Variants in DENND3 observed in about 807,000 individuals in gnomAD.
The protein encoded by DENND3 is DENN domain-containing protein 3.
A neutral mutation model predicts 135.1 loss-of-function variants in DENND3; 88 were observed. That is an observed-to-expected ratio of 0.65 (90% CI 0.55 to 0.78). The LOEUF (loss-of-function observed/expected upper bound fraction) is 0.78. Ranked by LOEUF, DENND3 falls within the 30% of genes least tolerant of loss-of-function variation. The probability of loss-of-function intolerance (pLI) is 0.00; values close to 1 mark genes in which losing one functional copy is unlikely to be tolerated. For missense variants in DENND3, 1,392 were observed against 1,688.4 expected (o/e 0.82, Z 3.08); for synonymous variants, 693 against 712.3 (o/e 0.97, Z 0.43).
intron 8 of DENND3, 128 bp from the exon 9 acceptor site, chr8:141,160,504 C>T: frequency 2.5e-6 from 3 of 1,195,732 alleles, no homozygotes; most frequent in Non-Finnish European, 3.3e-6. Context: ...TAATGACCAC[C>T]CGCCCCTCAA....
chr8:141,136,709 G>T lies in DENND3; in HGVS notation c.303G>T (p.Gly101=), dbSNP rs903956380. The stretch of plus-strand genomic sequence containing the variant: ...CAGAGCAGTGGAAGGGCCTCCCGGG[G>T]CCCCCCAGAGCGCCAGAGCCTGAGG... The part of the protein sequence containing the change: ...PRPEQWKGLP[G]PPRAPEPEDV... The change falls in exon 2 of 23, where the codon GGG becomes GGT. Residue 101 remains glycine, a synonymous_variant. Transcript: ENST00000519811. 1.9e-6 allele frequency: 3 copies of T among 1,611,516 alleles called. No individual in the cohort carries two copies. The highest frequency in any genetic ancestry group is 2.7e-5 in the African/African-American group (2 of 74,892).
chr8:141,170,542 C>G (rs1253839496), intron 13 of DENND3, among the ~76,000 whole-genome samples: 1 of 152,200 alleles, frequency 6.6e-6, no homozygotes, highest in Non-Finnish European at 1.5e-5. Context: ...GCCATCAGAT[C>G]GTGGCCTCAC....
Position 141,192,347 on chromosome 8 carries a change from C to T in DENND3, c.3396C>T (p.Ile1132=). 1 of 1,614,156 alleles carries T rather than the reference C, an allele frequency of 6.2e-7. No individual in the cohort carries two copies. The change falls in exon 21 of 23, where the codon ATC becomes ATT. Residue 1132 remains isoleucine (I), a synonymous_variant. Transcript: ENST00000519811. ...GRLWCCTGNS[I]MVMKMNGSLH... ...CTTCCACAGGCACAGGTAACAGCAT[C>T]ATGGTCATGAAAATGAATGGATCCC...
At chr8:141,147,018 G>A (rs1818229667) in intron 5 of DENND3, among the ~76,000 whole-genome samples, 1 of 152,190 alleles carries the variant, frequency 6.6e-6, no homozygotes, top group Admixed American at 6.5e-5. Context: ...AGCACTCCCA[G>A]CGCTGCTCCG....
intron 15 of DENND3, chr8:141,177,802 G>A (rs935184331): frequency 3.5e-5 from 12 of 346,572 alleles, no homozygotes; most frequent in African/African-American, 2.1e-4. Context: ...GATCTCAGCT[G>A]AGACTGGCCA....
chr8:141,160,803 TTC>T lies in DENND3; in HGVS notation c.1352+17_1352+18del. On this transcript the variant is annotated intron_variant, in intron 9 of 22. Coordinates refer to ENST00000519811, the MANE Select transcript of DENND3 (RefSeq NM_001352890.3). ...GCATCTTCAGGTACGTGAGAGAACA[TTC>T]CCAGTGTCCATGAGGAGGTAACCAG... The T allele has an allele frequency of 6.2e-7, 1 of 1,600,638 alleles. No homozygotes were observed. Among genetic ancestry groups the T allele is most frequent in the Non-Finnish European group, 8.5e-7 (1 of 1,169,778 alleles).
intron 9 of DENND3, 150 bp downstream of exon 9, chr8:141,160,937 C>T: frequency 9.6e-7 from 1 of 1,046,312 alleles, no homozygotes; most frequent in Non-Finnish European, 1.3e-6. Context: ...CAAAGCTTTT[C>T]TTGTGACTGT....
chr8:141,131,445 C>T (rs1816078510), intron 1 of DENND3, among the ~76,000 whole-genome samples: 1 of 152,212 alleles, frequency 6.6e-6, no homozygotes, highest in African/African-American at 2.4e-5. Context: ...AGTTTCAGAA[C>T]AGCACTGGCC....
At chr8:141,165,836 C>T (rs944823019) in intron 11 of DENND3, among the ~76,000 whole-genome samples, 4 of 152,098 alleles carry the variant, frequency 2.6e-5, no homozygotes, top group Non-Finnish European at 4.4e-5. Context: ...GTGGCCCTTG[C>T]GTCTTCCTCG....
At chr8:141,185,430 T>C in intron 18 of DENND3, 152 bp downstream of exon 18, 2 of 1,005,890 alleles carry the variant, frequency 2.0e-6, no homozygotes, top group Non-Finnish European at 1.4e-6. Flanking sequence ...CACCTGGAGT[T>C]TTCAAATTAA....
Position 141,168,456 on chromosome 8 carries a change from C to A in DENND3, c.2206C>A (p.Arg736=). 6.2e-7 allele frequency: 1 copy of A among 1,613,776 alleles called. No homozygotes were observed. Among genetic ancestry groups the A allele is most frequent in the Non-Finnish European group, 8.5e-7 (1 of 1,180,032 alleles). The part of the protein sequence containing the change: ...KHMQLGDFMK[R]VQESGIVKDA... ...CATGCAGCTGGGCGACTTCATGAAG[C>A]GGGTCCAGGAGTCAGGGATCGTGAA... Residue 736 remains arginine, a synonymous_variant, in exon 13 of 23, where the codon CGG becomes AGG. Coordinates refer to ENST00000519811, the MANE Select transcript of DENND3 (RefSeq NM_001352890.3). This position sits in a 1 kb window ranked among gnomAD's most constrained non-coding sequence, Gnocchi z 6.2.
chr8:141,137,427 T>C lies in DENND3; in HGVS notation c.386-595T>C, dbSNP rs1795646661. Among the ~76,000 whole-genome samples the C allele has an allele frequency of 6.6e-6, 1 of 152,206 alleles. No homozygotes were observed. On this transcript the variant is annotated intron_variant, in intron 2 of 22. Coordinates refer to ENST00000519811, the MANE Select transcript of DENND3 (RefSeq NM_001352890.3). The surrounding 1 kb of genome is among the most constrained non-coding windows in gnomAD (Gnocchi z 4.1). ...GCATTCAAGGCTTTTCCCCTTTGAC[T>C]TAAAATGAAGTCTTGCAGTGGTTGG... is the stretch of plus-strand genomic sequence containing the variant.
intron 6 of DENND3, 125 bp downstream of exon 6, chr8:141,151,078 G>GT (rs1196866451): frequency 9.1e-6 from 12 of 1,317,674 alleles, no homozygotes; most frequent in Non-Finnish European, 1.2e-5. Context: ...TACTCGAAAT[G>GT]TTTATTATTA....
At chr8:141,153,337 G>A (rs1288348389) in intron 7 of DENND3, among the ~76,000 whole-genome samples, 2 of 152,084 alleles carry the variant, frequency 1.3e-5, no homozygotes, top group Admixed American at 6.5e-5. Flanking sequence ...CAAGTGATCC[G>A]CCCACCTTGG....
intron 8 of DENND3, among the ~76,000 whole-genome samples, chr8:141,158,623 G>A (rs113530424): frequency 5.3e-5 from 8 of 152,190 alleles, no homozygotes; most frequent in Non-Finnish European, 1.0e-4. Flanking sequence ...CTGCGGTGTC[G>A]TTGGGGTGCC....
chr8:141,178,271 T>C (rs1174678502), intron 16 of DENND3, 75 bp downstream of exon 16: 4 of 1,538,980 alleles, frequency 2.6e-6, no homozygotes, highest in Non-Finnish European at 3.5e-6. Flanking sequence ...GGTCGATGTC[T>C]GTTTTATCAA....
Position 141,182,338 on chromosome 8 carries a change from C to T in DENND3, c.2944+1484C>T, listed in dbSNP as rs889551340. 3.0e-5 allele frequency: 30 copies of T among 985,286 alleles called. No homozygotes were observed. In the East Asian group the frequency reaches 5.7e-4, roughly 19 times the overall value. The allele number at this position is 985,286 out of a possible 1,614,324, so 61.0% of individuals were successfully genotyped here. A position where few individuals can be genotyped will look rare whatever the true frequency, so the allele number is the denominator to read the frequency against. On this transcript the variant is annotated intron_variant, in intron 17 of 22. Transcript: ENST00000519811. This position sits in a 1 kb window ranked among gnomAD's most constrained non-coding sequence, Gnocchi z 5.9. ...CATGGCAGGCCAAGAAACCCAGGAA[C>T]GCGATAGACCCTGGCTGAGTGAGCA...
Position 141,192,423 on chromosome 8 carries a change from T to C in DENND3, c.3472T>C (p.Phe1158Leu). ...EENFKDTSTS[F>L]LAFQLLPEEE... The stretch of plus-strand genomic sequence containing the variant: ...GAACTTCAAAGACACCAGTACCTCC[T>C]TCCTGGCCTTCCAGCTCCTTCCTGA... Residue 1158 changes from phenylalanine to leucine, a missense_variant, in exon 21 of 23, where the codon TTC (phenylalanine) becomes CTC (leucine). Transcript: ENST00000519811. 6.2e-7 allele frequency: 1 copy of C among 1,614,242 alleles called. No homozygotes were observed. Among genetic ancestry groups the C allele is most frequent in the African/African-American group, 1.3e-5 (1 of 75,078 alleles).
At chr8:141,192,296 C>T in intron 20 of DENND3, 35 bp from the exon 21 acceptor site, 2 of 1,609,836 alleles carry the variant, frequency 1.2e-6, no homozygotes, top group Non-Finnish European at 1.7e-6. Flanking sequence ...GCCAATGACA[C>T]TGCCTGGCCC....
Sources: gnomAD v4.1 joint callset for allele counts (sites outside exome capture counted in the v4.1 genomes callset) on GRCh38, gnomAD v4.1.1 for gene constraint, Gnocchi (gnomAD v3.1) non-coding constraint, MANE v1.5 for transcripts, NCBI Gene and HGNC (gene_info 2026-07-23, HGNC 2026-07-21) for gene names.